MAN1C1: variants seen among roughly 807,000 people sequenced by gnomAD.
MAN1C1 encodes the protein mannosidase alpha class 1C member 1, also known as mannosyl-oligosaccharide 1,2-alpha-mannosidase IC.
MAN1C1 carries 49 observed loss-of-function variants against 71.5 expected under a neutral mutation model. That is an observed-to-expected ratio of 0.69 (90% CI 0.54 to 0.87). The LOEUF (loss-of-function observed/expected upper bound fraction) is 0.87, where lower values mean the gene tolerates loss of function less well. Among genes scored for constraint, MAN1C1 ranks in the 40% least tolerant of loss-of-function variants. MAN1C1 has a pLI of 0.00. For synonymous variants in MAN1C1, 352 were observed against 343.7 expected (o/e 1.02, Z -0.27); for missense variants, 743 against 835.0 (o/e 0.89, Z 1.36).
chr1:25,684,009 GT>G (rs1468588820), intron 1 of MAN1C1, among the ~76,000 whole-genome samples: 1 of 152,160 alleles, frequency 6.6e-6, no homozygotes, highest in East Asian at 1.9e-4. Context: ...CATTCCTGCA[GT>G]GACAGCTTCT....
At chr1:25,766,843 G>A (rs2047434011) in intron 7 of MAN1C1, among the ~76,000 whole-genome samples, 1 of 152,106 alleles carries the variant, frequency 6.6e-6, no homozygotes, top group Non-Finnish European at 1.5e-5. Context: ...TCCTTGGTAG[G>A]TACAGGAGTG....
intron 2 of MAN1C1, among the ~76,000 whole-genome samples, chr1:25,738,696 G>A (rs1418376473): frequency 6.6e-6 from 1 of 152,186 alleles, no homozygotes; most frequent in Non-Finnish European, 1.5e-5. Context: ...GATGCTGGCT[G>A]TTGGCTAGAA....
Position 25,758,715 on chromosome 1 carries a change from TCTC to T in MAN1C1, c.1047+11_1047+13del. The T allele has an allele frequency of 3.1e-6, 5 of 1,609,090 alleles. No homozygotes were observed. Among genetic ancestry groups the T allele is most frequent in the Non-Finnish European group, 4.3e-6 (5 of 1,175,480 alleles). The stretch of plus-strand genomic sequence containing the variant: ...ACCAGGTCTTCGCTGAAAAGGCAAG[TCTC>T]CTCCCCACCCTTCTTCCTGCGGAGC... On this transcript the variant is annotated splice_region_variant and intron_variant, in intron 6 of 11. Coordinates refer to ENST00000374332, the MANE Select transcript of MAN1C1 (RefSeq NM_020379.4).
intron 2 of MAN1C1, among the ~76,000 whole-genome samples, chr1:25,704,498 GGCTGCTCAGCACGTGCTT>G (rs1434581648): frequency 6.6e-6 from 1 of 152,248 alleles, no homozygotes; most frequent in Non-Finnish European, 1.5e-5. Context: ...GCGTGGCTTT[GGCTGCTCAGCACGTGCTT>G]GCTAGAGAAT....
intron 1 of MAN1C1, among the ~76,000 whole-genome samples, chr1:25,629,934 G>T (rs558598266): frequency 6.6e-6 from 1 of 151,888 alleles, no homozygotes; most frequent in Non-Finnish European, 1.5e-5. Flanking sequence ...TATTGCATTC[G>T]CTTTTGGGGT....
chr1:25,666,898 A>G (rs554604850), intron 1 of MAN1C1, among the ~76,000 whole-genome samples: 1 of 152,370 alleles, frequency 6.6e-6, no homozygotes, highest in Non-Finnish European at 1.5e-5. Context: ...AACACCTGTC[A>G]TGGGCCGTGG....
At chr1:25,727,221 G>A (rs3014697) in intron 2 of MAN1C1, among the ~76,000 whole-genome samples, 6,833 of 152,240 alleles carry the variant, frequency 0.045, 492 homozygotes, top group African/African-American at 0.15. Context: ...TCTGTGAACC[G>A]GGTTTAACAA....
At position 25,666,704 on chromosome 1, in the gene MAN1C1, G is replaced by A. The variant is rs116623177; in HGVS notation, c.541-19736G>A. ...TGCTCAGAATTGAGAAAACCTGATG[G>A]TTTCCTCCTTTATACAAAACATACG... is the stretch of plus-strand genomic sequence containing the variant. On this transcript the variant is annotated intron_variant, in intron 1 of 11. Coordinates refer to ENST00000374332, the MANE Select transcript of MAN1C1 (RefSeq NM_020379.4). 4.8e-3 allele frequency among the ~76,000 whole-genome samples: 732 copies of A among 152,274 alleles called. 6 individuals carry two copies. Among genetic ancestry groups the A allele is most frequent in the African/African-American group, 0.014 (585 of 41,540 alleles).
At chr1:25,643,245 A>T (rs115480824) in intron 1 of MAN1C1, among the ~76,000 whole-genome samples, 7,097 of 121,060 alleles carry the variant, frequency 0.059, 551 homozygotes, top group African/African-American at 0.28. Flanking sequence ...TTAATTAATT[A>T]ATTAATTAAT....
At chr1:25,697,605 T>C (rs940504530) in intron 2 of MAN1C1, among the ~76,000 whole-genome samples, 2 of 152,234 alleles carry the variant, frequency 1.3e-5, no homozygotes, top group Admixed American at 1.3e-4. Context: ...TAGCTCTACA[T>C]GTAACTTTTT....
At position 25,617,681 on chromosome 1, in the gene MAN1C1, G is replaced by T; in HGVS notation, c.-117G>T. ...CGAAGCGGCGAAACTCTCAGGGTTG[G>T]CAACCCTGCCCAGGGACCCCCATCC... is the stretch of plus-strand genomic sequence containing the variant. On this transcript the variant is annotated 5_prime_UTR_variant, in exon 1 of 12. Coordinates refer to ENST00000374332, the MANE Select transcript of MAN1C1 (RefSeq NM_020379.4). This position sits in a 1 kb window ranked among gnomAD's most constrained non-coding sequence, Gnocchi z 5.1. 1.1e-6 allele frequency: 1 copy of T among 929,726 alleles called. No homozygotes were observed. Among genetic ancestry groups the T allele is most frequent in the Non-Finnish European group, 1.5e-6 (1 of 646,608 alleles). 57.6% of individuals were successfully genotyped at this position (929,726 alleles called of 1,614,324 possible).
chr1:25,636,489 T>C (rs1019896655), intron 1 of MAN1C1, among the ~76,000 whole-genome samples: 1 of 152,232 alleles, frequency 6.6e-6, no homozygotes, highest in African/African-American at 2.4e-5. Context: ...CGTCTGTTTA[T>C]AGGCTCTCTG....
chr1:25,636,419 G>T (rs1045636365), intron 1 of MAN1C1, among the ~76,000 whole-genome samples: 3 of 152,082 alleles, frequency 2.0e-5, no homozygotes, highest in Non-Finnish European at 4.4e-5. Context: ...CTTCCCCAGG[G>T]TATTAATTAT....
Position 25,782,758 on chromosome 1 carries a change from C to A in MAN1C1, c.1766+58C>A. 1.6e-6 allele frequency: 2 copies of A among 1,239,508 alleles called. No homozygotes were observed. The highest frequency in any genetic ancestry group is 2.4e-6 in the Non-Finnish European group (2 of 842,578). 76.8% of individuals were successfully genotyped at this position (1,239,508 alleles called of 1,614,324 possible). A position where few individuals can be genotyped will look rare whatever the true frequency, so the allele number is the denominator to read the frequency against. On this transcript the variant is annotated intron_variant, in intron 11 of 11. Coordinates refer to ENST00000374332, the MANE Select transcript of MAN1C1 (RefSeq NM_020379.4). The surrounding 1 kb of genome is among the most constrained non-coding windows in gnomAD (Gnocchi z 4.4). ...AGGTGGGAGGTTGAGGGTAGGGGTC[C>A]GCAGTCCCTCCCCTCCACAGTCAGG...
chr1:25,626,315 A>G (rs567456596), intron 1 of MAN1C1, among the ~76,000 whole-genome samples: 5 of 150,992 alleles, frequency 3.3e-5, no homozygotes, highest in Non-Finnish European at 7.4e-5. Context: ...TTAACTGTTG[A>G]TATTGAATGT....
chr1:25,668,806 C>T (rs2045958290), intron 1 of MAN1C1, among the ~76,000 whole-genome samples: 1 of 152,110 alleles, frequency 6.6e-6, no homozygotes, highest in South Asian at 2.1e-4. Flanking sequence ...GATCCACCCG[C>T]CTCGGCCTCC....
At chr1:25,654,729 C>T (rs1187194301) in intron 1 of MAN1C1, among the ~76,000 whole-genome samples, 1 of 152,030 alleles carries the variant, frequency 6.6e-6, no homozygotes, top group Non-Finnish European at 1.5e-5. Context: ...TCACTGCAAC[C>T]TCCGCCTCCT....
Position 25,753,379 on chromosome 1 carries a change from C to A in MAN1C1, c.835-105C>A. On this transcript the variant is annotated intron_variant, in intron 4 of 11. Coordinates refer to ENST00000374332, the MANE Select transcript of MAN1C1 (RefSeq NM_020379.4). This position sits in a 1 kb window ranked among gnomAD's most constrained non-coding sequence, Gnocchi z 4.9. ...GTGGACTGCAGCACTGCCCCCTACT[C>A]TAGACCTGCAGCCCTGGGGGGTTCA... 1 of 770,920 alleles carries A rather than the reference C, an allele frequency of 1.3e-6. No individual in the cohort carries two copies. The highest frequency in any genetic ancestry group is 2.1e-6 in the Non-Finnish European group (1 of 482,396). 47.8% of individuals were successfully genotyped at this position (770,920 alleles called of 1,614,324 possible).
rs775867851 is a variant in MAN1C1, at chr1:25,618,074, G to A, written c.277G>A (p.Glu93Lys). ...GGCCCCCGCCGCGCCGGCCCCGGGC[G>A]AGGATGACCCCAGCAGCTGGGCCAG... ...NPAPAAPAPGEDDPSSWASPR... is the reference protein window; with the variant it reads ...NPAPAAPAPGKDDPSSWASPR... Residue 93 changes from glutamate (E) to lysine (K), a missense_variant, in exon 1 of 12, where the codon GAG (glutamate) becomes AAG (lysine). Coordinates refer to ENST00000374332, the MANE Select transcript of MAN1C1 (RefSeq NM_020379.4). 26 of 1,537,096 alleles carry A rather than the reference G, an allele frequency of 1.7e-5. No homozygotes were observed. In the South Asian group the frequency reaches 2.1e-4, roughly 13 times the overall value.
Sources: allele counts gnomAD v4.1 joint callset (sites outside exome capture counted in the v4.1 genomes callset), GRCh38; gene constraint gnomAD v4.1.1; non-coding constraint Gnocchi (gnomAD v3.1); transcripts MANE v1.5; gene names NCBI Gene and HGNC (gene_info 2026-07-23, HGNC 2026-07-21).